The following KIF6 variants were observed in gnomAD, a reference collection of about 807,000 sequenced individuals.
The protein encoded by KIF6 is kinesin-like protein KIF6.
KIF6 carries 106 observed loss-of-function variants against 112.7 expected under a neutral mutation model. That is an observed-to-expected ratio of 0.94 (90% CI 0.80 to 1.11). The LOEUF (loss-of-function observed/expected upper bound fraction) is 1.11, where lower values mean the gene tolerates loss of function less well. KIF6 is among the 50% of genes least tolerant of loss of function. KIF6 has a pLI of 0.00. For synonymous variants in KIF6, 339 were observed against 339.9 expected, an observed-to-expected ratio of 1.00 and a Z score of 0.03; for missense variants, 929 against 964.0, an observed-to-expected ratio of 0.96 and a Z score of 0.48.
chr6:39,508,056 C>T (rs1175866651), intron 13 of KIF6, among the ~76,000 whole-genome samples: 1 of 149,542 alleles, frequency 6.7e-6, no homozygotes, highest in Non-Finnish European at 1.5e-5. Context: ...TGTCCTCTTC[C>T]TCTGCTTTTC....
At chr6:39,531,497 A>C (rs1778057932) in intron 13 of KIF6, among the ~76,000 whole-genome samples, 1 of 152,130 alleles carries the variant, frequency 6.6e-6, no homozygotes, top group Admixed American at 6.5e-5. Context: ...CATGGGTACA[A>C]TAGTGTGTGC....
At chr6:39,388,054 C>G (rs1011401145) in intron 15 of KIF6, among the ~76,000 whole-genome samples, 19 of 152,076 alleles carry the variant, frequency 1.2e-4, no homozygotes, top group Admixed American at 1.2e-3. Flanking sequence ...TGGCTTGCTC[C>G]TTTAGAGCAC....
rs773578320 is a variant in KIF6 at position 39,343,333 on chromosome 6, G to T, written c.2428+376C>A. ...TAGGGGAGTGAGACTTTAAGCCAGG[G>T]GTTCAACGAGTTACCAAAACATCAC... On this transcript the variant is annotated intron_variant, in intron 22 of 22. Coordinates refer to ENST00000287152, the MANE Select transcript of KIF6 (RefSeq NM_145027.6). The surrounding 1 kb of genome is among the most constrained non-coding windows in gnomAD (Gnocchi z 4.1). 14 of 1,298,770 alleles carry T rather than the reference G, an allele frequency of 1.1e-5. No individual in the cohort carries two copies. Among genetic ancestry groups the T allele is most frequent in the Non-Finnish European group, 1.4e-5 (14 of 994,948 alleles). 80.5% of individuals were successfully genotyped at this position (1,298,770 alleles called of 1,614,324 possible). A position where few individuals can be genotyped will look rare whatever the true frequency, so the allele number is the denominator to read the frequency against.
Position 39,551,503 on chromosome 6 carries a change from T to C in KIF6, c.1182-5815A>G, listed in dbSNP as rs571145758. The stretch of plus-strand genomic sequence containing the variant: ...AACTAAAAGAGTGGAATTGGAATGT[T>C]CCTAACACAAATAAATGATAAGTGC... On this transcript the variant is annotated intron_variant, in intron 10 of 22. Coordinates refer to ENST00000287152, the MANE Select transcript of KIF6 (RefSeq NM_145027.6). 9.2e-5 allele frequency among the ~76,000 whole-genome samples: 14 copies of C among 152,270 alleles called. No homozygotes were observed. In the East Asian group the frequency reaches 2.7e-3, roughly 29 times the overall value.
At chr6:39,590,559 C>T (rs561756742) in intron 7 of KIF6, among the ~76,000 whole-genome samples, 2 of 150,282 alleles carry the variant, frequency 1.3e-5, no homozygotes, top group Non-Finnish European at 1.5e-5. Flanking sequence ...TCAAGCGATT[C>T]GCCAGCCTCA....
intron 6 of KIF6, among the ~76,000 whole-genome samples, chr6:39,606,812 C>T (rs1782914350): frequency 6.6e-6 from 1 of 152,142 alleles, no homozygotes. Context: ...AGTCTTCCTC[C>T]ATACTTGCCT....
intron 9 of KIF6, among the ~76,000 whole-genome samples, chr6:39,582,449 T>A (rs993740298): frequency 6.6e-6 from 1 of 152,154 alleles, no homozygotes; most frequent in Non-Finnish European, 1.5e-5. Flanking sequence ...TTTGCTCTTA[T>A]TGCCCAGGCT....
At chr6:39,523,697 T>C (rs867615795) in intron 13 of KIF6, among the ~76,000 whole-genome samples, 5 of 100,942 alleles carry the variant, frequency 5.0e-5, no homozygotes, top group African/African-American at 1.9e-4. Flanking sequence ...TATATATATA[T>C]GATTACTCTT....
intron 5 of KIF6, among the ~76,000 whole-genome samples, chr6:39,618,620 A>C (rs2150730999): frequency 6.6e-6 from 1 of 152,324 alleles, no homozygotes; most frequent in South Asian, 2.1e-4. Flanking sequence ...ACTAGTGTTA[A>C]GTCACACCCT....
chr6:39,596,000 T>C (rs758522327), intron 7 of KIF6, 54 bp downstream of exon 7: 118 of 1,352,398 alleles, frequency 8.7e-5, no homozygotes, highest in Non-Finnish European at 1.2e-4. Context: ...ACATAGTATG[T>C]GGTCAACACA....
intron 3 of KIF6, among the ~76,000 whole-genome samples, chr6:39,675,119 C>T (rs1245566697): frequency 2.0e-5 from 3 of 151,876 alleles, no homozygotes; most frequent in Admixed American, 2.0e-4. Context: ...TATCTAAGGA[C>T]CCAAAACAAA....
chr6:39,393,398 T>G (rs1393587904), intron 15 of KIF6, among the ~76,000 whole-genome samples: 1 of 152,132 alleles, frequency 6.6e-6, no homozygotes, highest in Non-Finnish European at 1.5e-5. Context: ...ATGGGGATAA[T>G]AACAGCATTT....
intron 15 of KIF6, among the ~76,000 whole-genome samples, chr6:39,398,993 A>G (rs757063255): frequency 1.3e-5 from 2 of 152,190 alleles, no homozygotes; most frequent in Non-Finnish European, 2.9e-5. Flanking sequence ...CCTTAAGAGA[A>G]AAAAGACTGA....
At chr6:39,621,320 G>C (rs1259665699) in intron 5 of KIF6, among the ~76,000 whole-genome samples, 1 of 151,964 alleles carries the variant, frequency 6.6e-6, no homozygotes, top group African/African-American at 2.4e-5. Context: ...GATGATTTCT[G>C]GGGGTGACGT....
chr6:39,583,470 T>C (rs1161863267), intron 9 of KIF6: 4 of 471,504 alleles, frequency 8.5e-6, no homozygotes, highest in South Asian at 3.1e-5. Flanking sequence ...TCAGAGGAGC[T>C]TGGTGCTTTC....
At chr6:39,556,145 A>G (rs1779698808) in intron 10 of KIF6, among the ~76,000 whole-genome samples, 1 of 152,030 alleles carries the variant, frequency 6.6e-6, no homozygotes, top group Non-Finnish European at 1.5e-5. Flanking sequence ...GATACTAATA[A>G]CTCCCTCTTT....
chr6:39,440,617 C>T (rs528524308), intron 13 of KIF6, among the ~76,000 whole-genome samples: 2 of 150,886 alleles, frequency 1.3e-5, no homozygotes, highest in African/African-American at 2.4e-5. Context: ...GGTCTTCTCT[C>T]CCCTCTCTTC....
At chr6:39,699,717 A>G (rs974154872) in intron 3 of KIF6, among the ~76,000 whole-genome samples, 25 of 152,222 alleles carry the variant, frequency 1.6e-4, no homozygotes, top group African/African-American at 6.0e-4. Context: ...TAGGGATAAC[A>G]TAATTAGAGG....
At chr6:39,336,884 T>TCCTTCCTTC (rs982388639) in intron 22 of KIF6, among the ~76,000 whole-genome samples, 26 of 148,750 alleles carry the variant, frequency 1.7e-4, no homozygotes, top group Non-Finnish European at 2.2e-4. Flanking sequence ...CTTTCTTCTG[T>TCCTTCCTTC]CCTTCCTTCC....
Sources: allele counts gnomAD v4.1 joint callset (sites outside exome capture counted in the v4.1 genomes callset), GRCh38; gene constraint gnomAD v4.1.1; non-coding constraint Gnocchi (gnomAD v3.1); transcripts MANE v1.5; gene names NCBI Gene and HGNC (gene_info 2026-07-23, HGNC 2026-07-21).